The following PDE4B variants were observed in gnomAD, a reference collection of about 807,000 sequenced individuals.
PDE4B encodes the protein phosphodiesterase 4B.
In PDE4B, 20 loss-of-function variants were observed where a neutral mutation model predicts 82.2. The observed-to-expected ratio is 0.24, with a 90% CI of 0.17 to 0.35. The LOEUF is 0.35. PDE4B is among the 10% of genes least tolerant of loss of function. PDE4B has a pLI of 1.00. For missense variants in PDE4B, 655 were observed against 907.2 expected, an observed-to-expected ratio of 0.72 and a Z score of 3.57; for synonymous variants, 320 against 318.9, an observed-to-expected ratio of 1.00 and a Z score of -0.04.
chr1:65,947,021 G>A (rs1384847097), intron 3 of PDE4B, among the ~76,000 whole-genome samples: 1 of 151,954 alleles, frequency 6.6e-6, no homozygotes, highest in Non-Finnish European at 1.5e-5. Flanking sequence ...TCTTCCTCTA[G>A]AACACACGTT....
chr1:66,314,015 T>C (rs1658849103), intron 7 of PDE4B, among the ~76,000 whole-genome samples: 1 of 152,194 alleles, frequency 6.6e-6, no homozygotes, highest in Admixed American at 6.5e-5. Flanking sequence ...TGTCCCACTC[T>C]AAGGCTTTGT....
At chr1:65,849,538 A>G (rs1197995854) in intron 1 of PDE4B, among the ~76,000 whole-genome samples, 1 of 152,160 alleles carries the variant, frequency 6.6e-6, no homozygotes, top group East Asian at 1.9e-4. Flanking sequence ...AGTGTATGCC[A>G]TTCAAGGGAA....
At chr1:66,229,953 G>A (rs1366151084) in intron 3 of PDE4B, among the ~76,000 whole-genome samples, 2 of 152,078 alleles carry the variant, frequency 1.3e-5, no homozygotes, top group Non-Finnish European at 2.9e-5. Context: ...CCAAAGCCTC[G>A]TCCTGATCCA....
At chr1:65,936,340 T>C (rs1194567094) in intron 3 of PDE4B, among the ~76,000 whole-genome samples, 1 of 152,124 alleles carries the variant, frequency 6.6e-6, no homozygotes, top group African/African-American at 2.4e-5. Flanking sequence ...AGTAGGTTTG[T>C]TTACACCAGC....
chr1:66,256,013 A>G (rs140172445), intron 4 of PDE4B, among the ~76,000 whole-genome samples: 1 of 152,274 alleles, frequency 6.6e-6, no homozygotes, highest in African/African-American at 2.4e-5. Context: ...AAAAATACAA[A>G]AATAAATAAA....
At chr1:66,259,063 C>T in intron 6 of PDE4B, among the ~76,000 whole-genome samples, 1 of 152,168 alleles carries the variant, frequency 6.6e-6, no homozygotes, top group East Asian at 1.9e-4. Flanking sequence ...TTGATAGTTG[C>T]TTGGGTTTAT....
At chr1:66,361,103 G>C (rs1662726870) in intron 9 of PDE4B, among the ~76,000 whole-genome samples, 1 of 152,094 alleles carries the variant, frequency 6.6e-6, no homozygotes, top group African/African-American at 2.4e-5. Context: ...CTGAGCCCTT[G>C]CTAAAGCCAT....
At chr1:66,229,194 A>G (rs1188914268) in intron 3 of PDE4B, among the ~76,000 whole-genome samples, 12 of 151,432 alleles carry the variant, frequency 7.9e-5, no homozygotes, top group Non-Finnish European at 1.2e-4. Flanking sequence ...TATTTTTAGC[A>G]GAGATGGGGT....
chr1:66,291,503 G>A (rs1019937491), intron 7 of PDE4B, among the ~76,000 whole-genome samples: 9 of 152,226 alleles, frequency 5.9e-5, no homozygotes, highest in African/African-American at 1.9e-4. Context: ...TATTTAGACC[G>A]GTTTCTACTC....
chr1:66,208,988 C>T (rs566995537), intron 3 of PDE4B, among the ~76,000 whole-genome samples: 1 of 152,306 alleles, frequency 6.6e-6, no homozygotes, highest in East Asian at 1.9e-4. Flanking sequence ...CTACAAAGAA[C>T]ATGTTCTAAT....
At chr1:66,180,014 T>A (rs2101394575) in intron 3 of PDE4B, among the ~76,000 whole-genome samples, 1 of 152,312 alleles carries the variant, frequency 6.6e-6, no homozygotes, top group Non-Finnish European at 1.5e-5. Context: ...ACTGAAATAA[T>A]AACTTCTAAT....
intron 3 of PDE4B, among the ~76,000 whole-genome samples, chr1:66,113,040 AG>A (rs1645521088): frequency 1.3e-5 from 2 of 152,152 alleles, no homozygotes; most frequent in African/African-American, 4.8e-5. Context: ...AGAGTTTTTG[AG>A]ACACAATTGC....
At chr1:66,294,933 CAT>C in intron 7 of PDE4B, among the ~76,000 whole-genome samples, 1 of 152,154 alleles carries the variant, frequency 6.6e-6, no homozygotes, top group East Asian at 1.9e-4. Flanking sequence ...TGGTGGAAAA[CAT>C]AGCTGGCTCA....
At chr1:66,011,124 TCC>T (rs1384578655) in intron 3 of PDE4B, among the ~76,000 whole-genome samples, 9 of 151,724 alleles carry the variant, frequency 5.9e-5, no homozygotes, top group African/African-American at 2.2e-4. Context: ...TGAACACTAT[TCC>T]ATTGCATGGA....
intron 1 of PDE4B, among the ~76,000 whole-genome samples, chr1:65,864,628 G>A (rs934175313): frequency 6.6e-6 from 1 of 152,102 alleles, no homozygotes; most frequent in Non-Finnish European, 1.5e-5. Context: ...CCCCTCTTCT[G>A]CAGGTCTGCT....
chr1:66,122,703 C>CTTTTTTTTT (rs3036785), intron 3 of PDE4B, among the ~76,000 whole-genome samples: 39 of 111,934 alleles, frequency 3.5e-4, no homozygotes, highest in Non-Finnish European at 4.8e-4. Context: ...CTCTTCTTTT[C>CTTTTTTTTT]TTTTTTTTTT....
chr1:66,170,779 G>T (rs906260307), intron 3 of PDE4B, among the ~76,000 whole-genome samples: 1 of 152,108 alleles, frequency 6.6e-6, no homozygotes, highest in African/African-American at 2.4e-5. Context: ...TGGAATTATG[G>T]GTGGTGGAAT....
intron 3 of PDE4B, among the ~76,000 whole-genome samples, chr1:66,193,813 C>T (rs1557624020): frequency 1.3e-5 from 2 of 151,942 alleles, no homozygotes; most frequent in Admixed American, 6.6e-5. Context: ...TTAAGTACAC[C>T]ATGGAAAAAT....
At chr1:65,823,587 G>A (rs1026495813) in intron 1 of PDE4B, among the ~76,000 whole-genome samples, 2 of 151,930 alleles carry the variant, frequency 1.3e-5, no homozygotes, top group African/African-American at 4.8e-5. Context: ...TGGTCTCTGA[G>A]CATCCAGTCT....
Sources: gnomAD v4.1 joint callset for allele counts (sites outside exome capture counted in the v4.1 genomes callset) on GRCh38, gnomAD v4.1.1 for gene constraint, MANE v1.5 for transcripts, NCBI Gene and HGNC (gene_info 2026-07-23, HGNC 2026-07-21) for gene names.